Variants in RIPK2 observed in about 807,000 individuals in gnomAD.
RIPK2 encodes the protein receptor interacting serine/threonine kinase 2, also known as receptor-interacting serine/threonine-protein kinase 2.
RIPK2 carries 38 observed loss-of-function variants against 60.9 expected under a neutral mutation model. That is an observed-to-expected ratio of 0.62 (90% CI 0.48 to 0.82). The LOEUF is 0.82. Among genes scored for constraint, RIPK2 ranks in the 40% least tolerant of loss-of-function variants. RIPK2 has a pLI of 0.00. For synonymous variants in RIPK2, 225 were observed against 223.4 expected, an observed-to-expected ratio of 1.01 and a Z score of -0.06; for missense variants, 518 against 647.0, an observed-to-expected ratio of 0.80 and a Z score of 2.16.
At chr8:89,764,857 T>C (rs931405845) in intron 2 of RIPK2, among the ~76,000 whole-genome samples, 22 of 152,142 alleles carry the variant, frequency 1.4e-4, no homozygotes, top group African/African-American at 5.3e-4. Context: ...GCAGTGATTA[T>C]AATGTATGAT....
At chr8:89,782,086 A>G (rs914838958) in intron 7 of RIPK2, among the ~76,000 whole-genome samples, 6 of 152,254 alleles carry the variant, frequency 3.9e-5, no homozygotes, top group African/African-American at 2.4e-5. Flanking sequence ...CCCAGGAGGT[A>G]GAGGCTATAG....
At chr8:89,767,265 GTAAT>G (rs1388020351) in intron 3 of RIPK2, among the ~76,000 whole-genome samples, 1 of 151,634 alleles carries the variant, frequency 6.6e-6, no homozygotes, top group Admixed American at 6.6e-5. Flanking sequence ...TAGTTTTTGA[GTAAT>G]TAATACTAAA....
In RIPK2 at chr8:89,789,331, A is replaced by G; in HGVS notation, c.1134A>G (p.Gln378=). 1 of 1,613,752 alleles carries G rather than the reference A, an allele frequency of 6.2e-7. No individual in the cohort carries two copies. The highest frequency in any genetic ancestry group is 2.2e-5 in the East Asian group (1 of 44,872). ...TGTTGTATTTTGTAGGAAAAGCTCA[A>G]GACTGTTATTTTATGAAGCTGCATC... The part of the protein sequence containing the change: ...QDNDFLSRKA[Q]DCYFMKLHHC... Residue 378 remains glutamine, a synonymous_variant, in exon 10 of 11, where the codon CAA becomes CAG. Coordinates refer to ENST00000220751, the MANE Select transcript of RIPK2 (RefSeq NM_003821.6).
At chr8:89,767,984 C>A (rs1809255465) in intron 3 of RIPK2, among the ~76,000 whole-genome samples, 1 of 151,616 alleles carries the variant, frequency 6.6e-6, no homozygotes, top group South Asian at 2.1e-4. Context: ...AAATGTTGAT[C>A]GTCAGAACTG....
At position 89,762,940 on chromosome 8, in the gene RIPK2, T is replaced by C. The variant is rs778390643; in HGVS notation, c.285T>C (p.Thr95=). ...CNEPEFLGIV[T]EYMPNGSLNE... is the part of the protein sequence containing the mutation. ...AGCCTGAATTTTTGGGAATAGTTAC[T>C]GAATACATGCCAAATGGATCATTAA... Residue 95 remains threonine (T), a synonymous_variant, in exon 2 of 11, where the codon ACT becomes ACC. Coordinates refer to ENST00000220751, the MANE Select transcript of RIPK2 (RefSeq NM_003821.6). 2.6e-6 allele frequency: 4 copies of C among 1,544,024 alleles called. No homozygotes were observed. Among genetic ancestry groups the C allele is most frequent in the South Asian group, 1.3e-5 (1 of 77,212 alleles).
chr8:89,762,961 A>G lies in RIPK2; in HGVS notation c.306A>G (p.Ser102=), dbSNP rs1191962707. 1.3e-6 allele frequency: 2 copies of G among 1,508,316 alleles called. No individual in the cohort carries two copies. The highest frequency in any genetic ancestry group is 1.8e-6 in the Non-Finnish European group (2 of 1,119,504). 93.4% of individuals were successfully genotyped at this position (1,508,316 alleles called of 1,614,324 possible). The part of the protein sequence containing the change: ...GIVTEYMPNG[S]LNELLHRKTE... ...TTACTGAATACATGCCAAATGGATC[A>G]TTAAATGAACTCCTACATAGGGTAA... Residue 102 remains serine (S), a synonymous_variant, in exon 2 of 11, where the codon TCA becomes TCG. Transcript: ENST00000220751.
chr8:89,783,885 T>C (rs1257155630), intron 7 of RIPK2, among the ~76,000 whole-genome samples, 165 bp from the exon 8 acceptor site: 1 of 152,188 alleles, frequency 6.6e-6, no homozygotes, highest in East Asian at 1.9e-4. Context: ...TATTTCCCGT[T>C]CTACACTGTC....
chr8:89,761,732 A>G (rs1809148047), intron 1 of RIPK2, among the ~76,000 whole-genome samples: 1 of 151,018 alleles, frequency 6.6e-6, no homozygotes, highest in Admixed American at 6.6e-5. Flanking sequence ...AAAAGTTTCC[A>G]GTGTGTATTC....
intron 6 of RIPK2, among the ~76,000 whole-genome samples, chr8:89,776,511 G>T (rs1015822686): frequency 2.0e-5 from 3 of 152,190 alleles, no homozygotes; most frequent in African/African-American, 7.2e-5. Context: ...TTGAAGCAGT[G>T]ATCTTATCAC....
chr8:89,786,202 A>C (rs569235369), intron 8 of RIPK2, among the ~76,000 whole-genome samples: 63 of 152,320 alleles, frequency 4.1e-4, no homozygotes, highest in Admixed American at 1.3e-3. Context: ...GGTTGGGCAC[A>C]ATGGCTCACA....
At chr8:89,787,476 C>T (rs1809605939) in intron 9 of RIPK2, among the ~76,000 whole-genome samples, 1 of 152,134 alleles carries the variant, frequency 6.6e-6, no homozygotes, top group Non-Finnish European at 1.5e-5. Flanking sequence ...ACCATGTTGT[C>T]ATCATGAAAT....
chr8:89,784,524 G>A (rs570836273), intron 8 of RIPK2, among the ~76,000 whole-genome samples: 3 of 152,160 alleles, frequency 2.0e-5, no homozygotes, highest in Admixed American at 6.5e-5. Context: ...TGCCTAGGAA[G>A]AAAGATCTCT....
chr8:89,781,566 ATTG>A (rs1809501395), intron 7 of RIPK2, among the ~76,000 whole-genome samples: 1 of 151,686 alleles, frequency 6.6e-6, no homozygotes, highest in African/African-American at 2.4e-5. Flanking sequence ...TCCACTCAGG[ATTG>A]TTCTTTTTTT....
At chr8:89,770,301 T>C (rs1809291746) in intron 4 of RIPK2, among the ~76,000 whole-genome samples, 1 of 151,866 alleles carries the variant, frequency 6.6e-6, no homozygotes, top group Non-Finnish European at 1.5e-5. Context: ...TATATATCTT[T>C]TTAGATAAAT....
intron 8 of RIPK2, among the ~76,000 whole-genome samples, chr8:89,784,590 T>C (rs1177558344): frequency 5.3e-5 from 8 of 152,174 alleles, no homozygotes; most frequent in Admixed American, 4.6e-4. Context: ...CTTTTAAGAA[T>C]GTATATGTAT....
intron 1 of RIPK2, among the ~76,000 whole-genome samples, chr8:89,761,413 G>A (rs1331486885): frequency 1.3e-5 from 2 of 151,734 alleles, no homozygotes; most frequent in African/African-American, 2.4e-5. Context: ...TCACTACAAC[G>A]CGGGCATTCT....
chr8:89,785,680 A>G (rs956951977), intron 8 of RIPK2, among the ~76,000 whole-genome samples: 3 of 152,230 alleles, frequency 2.0e-5, no homozygotes, highest in Admixed American at 2.0e-4. Flanking sequence ...AACCTGTAGT[A>G]TCTTTAAAAC....
At chr8:89,771,644 A>G (rs1182597615) in intron 4 of RIPK2, 97 bp from the exon 5 acceptor site, 3 of 725,914 alleles carry the variant, frequency 4.1e-6, no homozygotes, top group African/African-American at 1.8e-5. Context: ...ACTTTGAAAA[A>G]TGGTATCTTC....
At chr8:89,766,663 A>G (rs748903568) in intron 3 of RIPK2, among the ~76,000 whole-genome samples, 15 of 149,946 alleles carry the variant, frequency 1.0e-4, no homozygotes, top group Non-Finnish European at 1.8e-4. Context: ...GCCCACCAGC[A>G]TTTGGTATTA....
Sources: gnomAD v4.1 joint callset for allele counts (sites outside exome capture counted in the v4.1 genomes callset) on GRCh38, gnomAD v4.1.1 for gene constraint, MANE v1.5 for transcripts, NCBI Gene and HGNC (gene_info 2026-07-23, HGNC 2026-07-21) for gene names.